Variants in SPTBN1 observed in about 807,000 individuals in gnomAD.
The protein encoded by SPTBN1 is spectrin beta chain, non-erythrocytic 1.
A neutral mutation model predicts 266.4 loss-of-function variants in SPTBN1; 32 were observed. The ratio of observed to expected loss-of-function variants is 0.12; its 90% CI spans 0.09 to 0.16. SPTBN1 has a LOEUF of 0.16. SPTBN1 is among the 10% of genes least tolerant of loss of function. The probability of loss-of-function intolerance (pLI) is 1.00; values close to 1 mark genes in which losing one functional copy is unlikely to be tolerated. For synonymous variants in SPTBN1, 1,336 were observed against 1,162.2 expected (o/e 1.15, Z -3.04); for missense variants, 2,296 against 3,067.1 (o/e 0.75, Z 5.94).
chr2:54,488,679 A>G (rs963698853), intron 1 of SPTBN1, among the ~76,000 whole-genome samples: 2 of 152,136 alleles, frequency 1.3e-5, no homozygotes, highest in Non-Finnish European at 2.9e-5. Context: ...TCCCTTCACC[A>G]TAAAAAAAGT....
intron 2 of SPTBN1, among the ~76,000 whole-genome samples, chr2:54,568,839 T>G (rs1369407150): frequency 6.6e-6 from 1 of 152,216 alleles, no homozygotes; most frequent in African/African-American, 2.4e-5. Context: ...TTTAAATACT[T>G]TAAAACTATT....
At chr2:54,471,800 ATTTTTT>A (rs56043354) in intron 1 of SPTBN1, among the ~76,000 whole-genome samples, 1 of 102,718 alleles carries the variant, frequency 9.7e-6, no homozygotes, top group African/African-American at 3.7e-5. Flanking sequence ...TTTTTTATCG[ATTTTTT>A]TTTTTTTTTT....
chr2:54,645,501 C>G lies in SPTBN1; in HGVS notation c.4494+48C>G. The stretch of plus-strand genomic sequence containing the variant: ...CATGGCTTTTCCACGAGCCCCCTTG[C>G]CTGTGCTAAAGCCCACATTCTCACT... On this transcript the variant is annotated intron_variant, in intron 21 of 35. Coordinates refer to ENST00000356805, the MANE Select transcript of SPTBN1 (RefSeq NM_003128.3). This position sits in a 1 kb window ranked among gnomAD's most constrained non-coding sequence, Gnocchi z 4.3. The G allele has an allele frequency of 6.3e-7, 1 of 1,585,710 alleles. No homozygotes were observed. The highest frequency in any genetic ancestry group is 2.3e-5 in the East Asian group (1 of 44,166).
chr2:54,523,293 G>T (rs1333194099), intron 1 of SPTBN1, among the ~76,000 whole-genome samples: 1 of 152,188 alleles, frequency 6.6e-6, no homozygotes, highest in Admixed American at 6.5e-5. Context: ...ACCCGTGAAT[G>T]TACTTAATTG....
intron 1 of SPTBN1, among the ~76,000 whole-genome samples, chr2:54,491,298 C>T (rs776125633): frequency 5.3e-5 from 8 of 152,150 alleles, no homozygotes; most frequent in Non-Finnish European, 1.2e-4. Flanking sequence ...GTCTCCAAAA[C>T]CATACTCAAG....
intron 1 of SPTBN1, among the ~76,000 whole-genome samples, chr2:54,471,544 G>A (rs550328737): frequency 1.7e-4 from 26 of 151,026 alleles, no homozygotes; most frequent in African/African-American, 5.8e-4. Flanking sequence ...GGTTGGTTGT[G>A]TAATGCAGCA....
chr2:54,636,366 A>ATGTATATT (rs1257852006), intron 17 of SPTBN1, among the ~76,000 whole-genome samples: 1 of 152,226 alleles, frequency 6.6e-6, no homozygotes, highest in Non-Finnish European at 1.5e-5. Context: ...AATATAAATT[A>ATGTATATT]TATATGATGT....
At chr2:54,662,357 T>C (rs1227341111) in intron 32 of SPTBN1, 4 of 980,168 alleles carry the variant, frequency 4.1e-6, no homozygotes, top group Non-Finnish European at 4.8e-6. Flanking sequence ...ACATTAATGA[T>C]CTCTGCATAC....
At chr2:54,561,848 A>G in intron 2 of SPTBN1, among the ~76,000 whole-genome samples, 1 of 142,152 alleles carries the variant, frequency 7.0e-6, no homozygotes, top group East Asian at 2.0e-4. Flanking sequence ...TATAGTTTGT[A>G]GAGATTTGTG....
At position 54,637,744 on chromosome 2, in the gene SPTBN1, C is replaced by G. The variant is rs142133585; in HGVS notation, c.3799C>G (p.Leu1267Val). The G allele has an allele frequency of 6.2e-6, 10 of 1,613,812 alleles. No homozygotes were observed. The highest frequency in any genetic ancestry group is 2.7e-5 in the African/African-American group (2 of 75,020). The change falls in exon 18 of 36, where the codon CTT becomes GTT. Residue 1267 changes from leucine (L) to valine (V), a missense_variant. Leu to Val is a conservative substitution (Grantham distance 32, BLOSUM62 1). Coordinates refer to ENST00000356805, the MANE Select transcript of SPTBN1 (RefSeq NM_003128.3). ...HRKNRETASELLMRLKDNRDL... is the reference protein window; with the variant it reads ...HRKNRETASEVLMRLKDNRDL... ...GAAGAATCGTGAGACAGCCAGTGAA[C>G]TTTTGATGAGGTTGAAGGACAACAG... is the stretch of plus-strand genomic sequence containing the variant.
chr2:54,500,639 A>G (rs567751857), intron 1 of SPTBN1, among the ~76,000 whole-genome samples: 40 of 152,166 alleles, frequency 2.6e-4, no homozygotes, highest in Admixed American at 1.2e-3. Context: ...TCTGCCTCCC[A>G]GGCTCAAGGG....
At chr2:54,486,779 C>T (rs1235102582) in intron 1 of SPTBN1, among the ~76,000 whole-genome samples, 1 of 149,964 alleles carries the variant, frequency 6.7e-6, no homozygotes, top group East Asian at 1.9e-4. Context: ...ATAGAAGAAG[C>T]TGCAGAAGAA....
intron 1 of SPTBN1, among the ~76,000 whole-genome samples, chr2:54,498,735 AC>A (rs1669100664): frequency 6.6e-6 from 1 of 152,096 alleles, no homozygotes; most frequent in Admixed American, 6.5e-5. Flanking sequence ...TTTCTTAAAC[AC>A]CCCTTAAATA....
At chr2:54,527,413 A>T (rs1670885159) in intron 2 of SPTBN1, 1 of 152,176 alleles carries the variant, frequency 6.6e-6, no homozygotes, top group South Asian at 2.1e-4. Context: ...TAACTACATA[A>T]CTCACATTTT....
At chr2:54,642,755 A>T (rs1264619371) in intron 18 of SPTBN1, among the ~76,000 whole-genome samples, 1 of 152,164 alleles carries the variant, frequency 6.6e-6, no homozygotes, top group African/African-American at 2.4e-5. Context: ...GAGCTTTTGT[A>T]CTTCTGGAAT....
Position 54,629,381 on chromosome 2 carries a change from C to G in SPTBN1, c.2247C>G (p.Phe749Leu). 8.7e-6 allele frequency: 14 copies of G among 1,614,154 alleles called. No individual in the cohort carries two copies. The highest frequency in any genetic ancestry group is 1.2e-5 in the Non-Finnish European group (14 of 1,180,052). Residue 749 changes from phenylalanine to leucine, a missense_variant, in exon 14 of 36, where the codon TTC becomes TTG. Around this residue, in one of 12 missense-constraint regions of SPTBN1, gnomAD observed 434 missense variants for 573.9 expected, o/e 0.76. Transcript: ENST00000356805. Reference protein sequence around the residue: ...RLEEASLLHQFQADADDIDAW... With the variant: ...RLEEASLLHQLQADADDIDAW... The stretch of plus-strand genomic sequence containing the variant: ...AGGAGGCCTCCCTGCTGCACCAGTT[C>G]CAGGCAGATGCTGATGACATTGATG...
chr2:54,625,735 C>T (rs1678278237), intron 11 of SPTBN1, among the ~76,000 whole-genome samples, 197 bp from the exon 12 acceptor site: 1 of 152,072 alleles, frequency 6.6e-6, no homozygotes. Flanking sequence ...GCATTACAGG[C>T]ACGTGCCACC....
chr2:54,543,583 A>C (rs550053156), intron 2 of SPTBN1, among the ~76,000 whole-genome samples: 1 of 152,218 alleles, frequency 6.6e-6, no homozygotes, highest in East Asian at 1.9e-4. Flanking sequence ...AAAGCACCAA[A>C]AAATACTTGT....
In SPTBN1 at chr2:54,649,576, C is replaced by A; in HGVS notation, c.5203-39C>A. On this transcript the variant is annotated intron_variant, in intron 25 of 35. Transcript: ENST00000356805. This position sits in a 1 kb window ranked among gnomAD's most constrained non-coding sequence, Gnocchi z 6.7. Reference sequence around the variant, plus strand: ...ATGTGATCAAGAAATACAGAGTTCACAGTGGGCTCTCTGATTTCCTTACCC... The same window carrying A: ...ATGTGATCAAGAAATACAGAGTTCAAAGTGGGCTCTCTGATTTCCTTACCC... The A allele has an allele frequency of 6.3e-7, 1 of 1,593,312 alleles. No individual in the cohort carries two copies. Among genetic ancestry groups the A allele is most frequent in the Non-Finnish European group, 8.6e-7 (1 of 1,166,022 alleles).
Sources: gnomAD v4.1 joint callset for allele counts (sites outside exome capture counted in the v4.1 genomes callset) on GRCh38, gnomAD v4.1.1 for gene constraint, gnomAD v4.1.1 regional missense constraint, Gnocchi (gnomAD v3.1) non-coding constraint, MANE v1.5 for transcripts, NCBI Gene and HGNC (gene_info 2026-07-23, HGNC 2026-07-21) for gene names.